The following ENOX1 variants were observed in gnomAD, a reference collection of about 807,000 sequenced individuals.
The protein encoded by ENOX1 is candidate growth-related and time keeping constitutive hydroquinone (NADH) oxidase.
ENOX1 carries 42 observed loss-of-function variants against 82.5 expected under a neutral mutation model. The ratio of observed to expected loss-of-function variants is 0.51; its 90% CI spans 0.40 to 0.66. The LOEUF (loss-of-function observed/expected upper bound fraction) is 0.66, where lower values mean the gene tolerates loss of function less well. Among genes scored for constraint, ENOX1 ranks in the 30% least tolerant of loss-of-function variants. The pLI, the probability that ENOX1 is intolerant of heterozygous loss-of-function variation, is 0.00. For synonymous variants in ENOX1, 271 were observed against 282.2 expected, an observed-to-expected ratio of 0.96 and a Z score of 0.40; for missense variants, 608 against 811.6, an observed-to-expected ratio of 0.75 and a Z score of 3.05.
chr13:43,591,621 G>A (rs2081249727), intron 2 of ENOX1, among the ~76,000 whole-genome samples: 4 of 152,140 alleles, frequency 2.6e-5, no homozygotes, highest in African/African-American at 9.7e-5. Flanking sequence ...GTCTTATAAT[G>A]TAAGTACCTG....
chr13:43,667,613 T>C (rs1365397781), intron 1 of ENOX1, 69 bp from the exon 2 acceptor site: 32 of 473,526 alleles, frequency 6.8e-5, no homozygotes, highest in Non-Finnish European at 8.0e-5. Flanking sequence ...ACTGAACATA[T>C]ATATGTAAGC....
intron 14 of ENOX1, among the ~76,000 whole-genome samples, chr13:43,241,081 T>C (rs2042804238): frequency 1.3e-5 from 2 of 152,198 alleles, no homozygotes; most frequent in South Asian, 4.1e-4. Flanking sequence ...ACACAGGACA[T>C]TCCAACTTAT....
chr13:43,246,004 G>A (rs2043064713), intron 14 of ENOX1, among the ~76,000 whole-genome samples: 1 of 152,188 alleles, frequency 6.6e-6, no homozygotes, highest in Admixed American at 6.5e-5. Flanking sequence ...AAAACTCAGT[G>A]TAGTTTACTG....
At chr13:43,342,294 G>A (rs943673244) in intron 9 of ENOX1, among the ~76,000 whole-genome samples, 4 of 152,142 alleles carry the variant, frequency 2.6e-5, no homozygotes, top group Non-Finnish European at 4.4e-5. Flanking sequence ...GGGCCGAATC[G>A]GGGTATATTT....
At chr13:43,624,624 C>T (rs960004266) in intron 2 of ENOX1, among the ~76,000 whole-genome samples, 4 of 152,050 alleles carry the variant, frequency 2.6e-5, no homozygotes, top group Admixed American at 6.6e-5. Flanking sequence ...TCAAATTGCT[C>T]CAGAACCATT....
At chr13:43,647,054 T>C (rs1272338186) in intron 2 of ENOX1, among the ~76,000 whole-genome samples, 3 of 152,128 alleles carry the variant, frequency 2.0e-5, no homozygotes, top group African/African-American at 7.2e-5. Context: ...TCAGCACCCA[T>C]TCTGGCCCTC....
Position 43,213,955 on chromosome 13 carries a change from T to A in ENOX1, c.*35A>T. On this transcript the variant is annotated 3_prime_UTR_variant, in exon 17 of 17. Coordinates refer to ENST00000690772, the MANE Select transcript of ENOX1 (RefSeq NM_001347969.2). ...TCGCACCGCCCTGGCCAGGTTCACA[T>A]GGTTTCATTTCCAGAGATGCTTTGC... is the stretch of plus-strand genomic sequence containing the variant. 1 of 1,605,506 alleles carries A rather than the reference T, an allele frequency of 6.2e-7. No homozygotes were observed.
chr13:43,608,287 A>C (rs1410940), intron 2 of ENOX1, among the ~76,000 whole-genome samples: 64,864 of 151,930 alleles, frequency 0.43, 16,323 homozygotes, highest in East Asian at 0.79. Flanking sequence ...TTTCCCCGAA[A>C]CTGAAGTTAT....
chr13:43,242,957 G>A (rs529450548), intron 14 of ENOX1, among the ~76,000 whole-genome samples: 6 of 152,150 alleles, frequency 3.9e-5, no homozygotes, highest in Admixed American at 3.3e-4. Flanking sequence ...CCAACATGGC[G>A]AAACCCTGTC....
At chr13:43,461,138 C>T (rs2057466497) in intron 3 of ENOX1, among the ~76,000 whole-genome samples, 1 of 152,196 alleles carries the variant, frequency 6.6e-6, no homozygotes, top group South Asian at 2.1e-4. Context: ...TTGCCATGGG[C>T]ATACATGTTT....
intron 3 of ENOX1, among the ~76,000 whole-genome samples, chr13:43,435,509 A>C (rs1260465961): frequency 6.6e-6 from 1 of 152,216 alleles, no homozygotes; most frequent in Non-Finnish European, 1.5e-5. Context: ...GATTCTGTTT[A>C]ATACTGTCCT....
Position 43,412,056 on chromosome 13 carries a change from G to C in ENOX1, c.71-3C>G. The C allele has an allele frequency of 1.2e-6, 2 of 1,613,158 alleles. No individual in the cohort carries two copies. The highest frequency in any genetic ancestry group is 1.7e-6 in the Non-Finnish European group (2 of 1,179,234). ...TATACTCCCCAAACCATCGGCTGCTGTGGGGAAAAACAAACCATGATTTAG... is the reference window on the plus strand; with the variant it reads ...TATACTCCCCAAACCATCGGCTGCTCTGGGGAAAAACAAACCATGATTTAG... On this transcript the variant is annotated splice_polypyrimidine_tract_variant and splice_region_variant and intron_variant, in intron 4 of 16. Coordinates refer to ENST00000690772, the MANE Select transcript of ENOX1 (RefSeq NM_001347969.2).
chr13:43,586,156 C>T (rs1207544576), intron 2 of ENOX1, among the ~76,000 whole-genome samples: 1 of 152,228 alleles, frequency 6.6e-6, no homozygotes, highest in East Asian at 1.9e-4. Context: ...TACGTCTGCT[C>T]AGGCCACTCC....
chr13:43,399,526 G>A (rs34808260), intron 5 of ENOX1, among the ~76,000 whole-genome samples: 12,703 of 152,170 alleles, frequency 0.083, 620 homozygotes, highest in East Asian at 0.16. Context: ...CCCCTTCCCC[G>A]TGCCTTCCTA....
intron 3 of ENOX1, among the ~76,000 whole-genome samples, chr13:43,474,469 A>G (rs1485615931): frequency 6.6e-6 from 1 of 152,154 alleles, no homozygotes; most frequent in Non-Finnish European, 1.5e-5. Flanking sequence ...AACACTTACT[A>G]GCTTTGTTTT....
chr13:43,671,219 T>C (rs1028712575), intron 1 of ENOX1, among the ~76,000 whole-genome samples: 1 of 152,218 alleles, frequency 6.6e-6, no homozygotes, highest in Non-Finnish European at 1.5e-5. Flanking sequence ...TCCCCAGCCA[T>C]GCAGAACTGT....
At chr13:43,590,658 C>A (rs1318147679) in intron 2 of ENOX1, among the ~76,000 whole-genome samples, 5 of 151,706 alleles carry the variant, frequency 3.3e-5, no homozygotes, top group Non-Finnish European at 4.4e-5. Flanking sequence ...CGCCTGTAGT[C>A]CCAACTACTC....
intron 12 of ENOX1, among the ~76,000 whole-genome samples, chr13:43,277,603 G>A (rs1386062061): frequency 6.6e-6 from 1 of 152,224 alleles, no homozygotes; most frequent in Non-Finnish European, 1.5e-5. Flanking sequence ...AGTAAGGCAT[G>A]AGCTGAAGGA....
chr13:43,484,932 G>A (rs1012712488), intron 2 of ENOX1, among the ~76,000 whole-genome samples: 72 of 152,258 alleles, frequency 4.7e-4, no homozygotes, highest in African/African-American at 1.6e-3. Flanking sequence ...TGTTTGGTGT[G>A]GGATTACATG....
Sources: allele counts gnomAD v4.1 joint callset (sites outside exome capture counted in the v4.1 genomes callset), GRCh38; gene constraint gnomAD v4.1.1; transcripts MANE v1.5; gene names NCBI Gene and HGNC (gene_info 2026-07-23, HGNC 2026-07-21).